The following GLB1L3 variants were observed in gnomAD, a reference collection of about 807,000 sequenced individuals.
The protein encoded by GLB1L3 is beta-galactosidase-1-like protein 3.
GLB1L3 carries 89 observed loss-of-function variants against 89.5 expected under a neutral mutation model. The ratio of observed to expected loss-of-function variants is 0.99; its 90% CI spans 0.84 to 1.19. The LOEUF (loss-of-function observed/expected upper bound fraction) is 1.19. Ranked by LOEUF, GLB1L3 falls within the 50% of genes most tolerant of loss-of-function variation. GLB1L3 has a pLI of 0.00. For missense variants in GLB1L3, 812 were observed against 813.3 expected, an observed-to-expected ratio of 1.00 and a Z score of 0.02; for synonymous variants, 314 against 312.3, an observed-to-expected ratio of 1.01 and a Z score of -0.06.
At chr11:134,289,968 C>T (rs1306500016) in intron 7 of GLB1L3, among the ~76,000 whole-genome samples, 6 of 152,216 alleles carry the variant, frequency 3.9e-5, no homozygotes, top group East Asian at 1.9e-4. Context: ...AGTGCCTGTG[C>T]GGAGACCTCT....
chr11:134,318,641 A>G lies in GLB1L3; in HGVS notation c.1790A>G (p.Tyr597Cys). 2 of 1,601,852 alleles carry G rather than the reference A, an allele frequency of 1.2e-6. No individual in the cohort carries two copies. Among genetic ancestry groups the G allele is most frequent in the Non-Finnish European group, 8.5e-7 (1 of 1,169,802 alleles). Residue 597 changes from tyrosine (Y) to cysteine (C), a missense_variant, in exon 19 of 20, where the codon TAT becomes TGT. Physicochemically the swap from Tyr to Cys is radical, Grantham distance 194. This residue lies in a region of GLB1L3 where 618 missense variants were observed against 604.0 expected (regional missense o/e 1.02). Coordinates refer to ENST00000431683, the MANE Select transcript of GLB1L3 (RefSeq NM_001080407.3). ...CACCATTCCTTTCAGAACTGGAATT[A>G]TGGATTTGTGTTCATCAATGGACGT... ...DTFLSLLNWN[Y>C]GFVFINGRNL...
In GLB1L3 at chr11:134,277,462, G is replaced by C; in HGVS notation, c.149+11G>C. ...TCCGTCCCAGCCTAGGTTTGCTTGAGAGCTACATCCCTGGGGAGGGAGGGG... is the reference window on the plus strand; with the variant it reads ...TCCGTCCCAGCCTAGGTTTGCTTGACAGCTACATCCCTGGGGAGGGAGGGG... On this transcript the variant is annotated intron_variant, in intron 2 of 19. Transcript: ENST00000431683. 1.2e-6 allele frequency: 2 copies of C among 1,610,444 alleles called. No individual in the cohort carries two copies. The highest frequency in any genetic ancestry group is 1.7e-6 in the Non-Finnish European group (2 of 1,177,782).
At position 134,281,434 on chromosome 11, in the gene GLB1L3, C is replaced by A; in HGVS notation, c.420C>A (p.Asn140Lys). ...PERGKFDFSG[N>K]LDLEAFVLMA... ...GAGGCAAATTTGACTTCTCTGGGAA[C>A]CTGGACCTGGAGTATGTGGTGTTGC... Residue 140 changes from asparagine to lysine, a missense_variant, in exon 4 of 20, where the codon AAC becomes AAA. By Grantham distance (94) the Asn-to-Lys change is moderately conservative. Around this residue, in one of 3 missense-constraint regions of GLB1L3, gnomAD observed 191 missense variants for 191.4 expected, o/e 1.00. Coordinates refer to ENST00000431683, the MANE Select transcript of GLB1L3 (RefSeq NM_001080407.3). The A allele has an allele frequency of 1.9e-6, 3 of 1,613,498 alleles. No homozygotes were observed. Among genetic ancestry groups the A allele is most frequent in the Non-Finnish European group, 2.5e-6 (3 of 1,179,682 alleles).
At chr11:134,317,306 T>A (rs1388246737) in intron 18 of GLB1L3, among the ~76,000 whole-genome samples, 1 of 152,184 alleles carries the variant, frequency 6.6e-6, no homozygotes, top group East Asian at 1.9e-4. Flanking sequence ...TTTAGCATTT[T>A]AAATATATCG....
chr11:134,295,113 A>G (rs1050982931), intron 9 of GLB1L3, among the ~76,000 whole-genome samples: 2 of 152,208 alleles, frequency 1.3e-5, no homozygotes, highest in Non-Finnish European at 2.9e-5. Context: ...TAAAATTAGG[A>G]TAACGCTGGC....
intron 10 of GLB1L3, among the ~76,000 whole-genome samples, chr11:134,308,220 CCATCACCACCACCACCATCACCAT>C (rs1942336033): frequency 4.3e-5 from 1 of 23,112 alleles, no homozygotes; most frequent in African/African-American, 2.3e-4. Flanking sequence ...ACCACCATCA[CCATCACCACCACCACCATCACCAT>C]CACCACCATC....
At chr11:134,291,792 TAGTG>T (rs560758683) in intron 7 of GLB1L3, among the ~76,000 whole-genome samples, 8 of 152,084 alleles carry the variant, frequency 5.3e-5, no homozygotes, top group Non-Finnish European at 1.0e-4. Flanking sequence ...CTGGGCAACA[TAGTG>T]AGCCCCCGTT....
intron 7 of GLB1L3, among the ~76,000 whole-genome samples, chr11:134,290,167 G>GTTCAGCCAGCATTATTTAATCGGTTGTA (rs1296124614): frequency 2.6e-5 from 4 of 152,072 alleles, no homozygotes; most frequent in African/African-American, 9.7e-5. Flanking sequence ...CATCGGTTGT[G>GTTCAGCCAGCATTATTTAATCGGTTGTA]TTCAGCCAGC....
chr11:134,323,673 C>G (rs1373667170), downstream of GLB1L3, among the ~76,000 whole-genome samples: 1 of 152,082 alleles, frequency 6.6e-6, no homozygotes, highest in African/African-American at 2.4e-5. Flanking sequence ...GGAAGAATAA[C>G]TTCTCTCTGG....
At position 134,288,785 on chromosome 11, in the gene GLB1L3, G is replaced by T. The variant is rs764002834; in HGVS notation, c.637-13G>T. On this transcript the variant is annotated splice_polypyrimidine_tract_variant and intron_variant, in intron 6 of 19. Transcript: ENST00000431683. Reference sequence around the variant, plus strand: ...TAGCCTCACTCTTTAACCCTCCTATGCTTGTTTCTCAGTACCGCCAGGCAG... The same window carrying T: ...TAGCCTCACTCTTTAACCCTCCTATTCTTGTTTCTCAGTACCGCCAGGCAG... 1 of 1,606,450 alleles carries T rather than the reference G, an allele frequency of 6.2e-7. No homozygotes were observed. The highest frequency in any genetic ancestry group is 8.5e-7 in the Non-Finnish European group (1 of 1,174,728).
chr11:134,296,158 G>C (rs1189623671), intron 9 of GLB1L3, among the ~76,000 whole-genome samples: 1 of 151,486 alleles, frequency 6.6e-6, no homozygotes, highest in Non-Finnish European at 1.5e-5. Flanking sequence ...TCTCACACCA[G>C]TTAGAATGGC....
intron 18 of GLB1L3, among the ~76,000 whole-genome samples, chr11:134,314,848 T>C (rs1465724629): frequency 1.3e-5 from 2 of 152,234 alleles, no homozygotes; most frequent in African/African-American, 2.4e-5. Flanking sequence ...GCCTTTTTTT[T>C]CTGTGTGGGG....
chr11:134,289,016 C>T (rs1025226453), intron 7 of GLB1L3, 126 bp downstream of exon 7: 2 of 655,134 alleles, frequency 3.1e-6, no homozygotes, highest in Non-Finnish European at 2.5e-6. Flanking sequence ...CCTGTGAACA[C>T]GAGGTGCGGA....
chr11:134,307,346 C>T (rs2136195124), intron 10 of GLB1L3, 138 bp downstream of exon 10: 2 of 648,202 alleles, frequency 3.1e-6, no homozygotes, highest in Middle Eastern at 2.7e-4. Context: ...AAGCACTCAG[C>T]CAGGCCCTGA....
intron 6 of GLB1L3, among the ~76,000 whole-genome samples, chr11:134,285,270 T>C (rs1940917611): frequency 6.6e-6 from 1 of 152,060 alleles, no homozygotes; most frequent in Non-Finnish European, 1.5e-5. Flanking sequence ...ATGCACTTGA[T>C]AAGAAACGCC....
chr11:134,283,570 G>A (rs535443828), intron 5 of GLB1L3, among the ~76,000 whole-genome samples, 167 bp from the exon 6 acceptor site: 2 of 152,330 alleles, frequency 1.3e-5, no homozygotes, highest in African/African-American at 4.8e-5. Context: ...TGTGAGAATG[G>A]TCTGAAAGTC....
intron 9 of GLB1L3, among the ~76,000 whole-genome samples, chr11:134,304,363 A>G (rs1831200683): frequency 6.6e-6 from 1 of 152,230 alleles, no homozygotes; most frequent in African/African-American, 2.4e-5. Flanking sequence ...AACATAGATC[A>G]TGATTGTTGG....
chr11:134,318,461 C>T (rs1943072293), intron 18 of GLB1L3, among the ~76,000 whole-genome samples, 170 bp from the exon 19 acceptor site: 1 of 152,184 alleles, frequency 6.6e-6, no homozygotes, highest in African/African-American at 2.4e-5. Context: ...ATGCTTTTCT[C>T]TTTCATTCCT....
intron 9 of GLB1L3, among the ~76,000 whole-genome samples, chr11:134,297,803 T>TGAGC (rs1412494020): frequency 7.5e-6 from 1 of 133,816 alleles, no homozygotes; most frequent in African/African-American, 2.9e-5. Flanking sequence ...GAGGTAGCAG[T>TGAGC]GAGCCAAGGT....
Sources: gnomAD v4.1 joint callset for allele counts (sites outside exome capture counted in the v4.1 genomes callset) on GRCh38, gnomAD v4.1.1 for gene constraint, gnomAD v4.1.1 regional missense constraint, MANE v1.5 for transcripts, NCBI Gene and HGNC (gene_info 2026-07-23, HGNC 2026-07-21) for gene names.